The following RHOA variants were observed in gnomAD, a reference collection of about 807,000 sequenced individuals.
RHOA encodes the protein ras homolog family member A.
A neutral mutation model predicts 17.5 loss-of-function variants in RHOA; 3 were observed. The observed-to-expected ratio is 0.17, with a 90% CI of 0.08 to 0.44. The LOEUF is 0.44. Ranked by LOEUF, RHOA falls within the 20% of genes least tolerant of loss-of-function variation. RHOA has a pLI of 0.99. For synonymous variants in RHOA, 98 were observed against 88.4 expected, an observed-to-expected ratio of 1.11 and a Z score of -0.61; for missense variants, 56 against 242.3, an observed-to-expected ratio of 0.23 and a Z score of 5.10.
chr3:49,377,059 C>T (rs1320347139), intron 1 of RHOA, among the ~76,000 whole-genome samples: 9 of 152,072 alleles, frequency 5.9e-5, no homozygotes. Flanking sequence ...ACCCGGGAGG[C>T]AGAGGTTGTG....
rs1491556137 is a variant in RHOA at position 49,391,229 on chromosome 3, AAG to A, written c.-2-15640_-2-15639del. On this transcript the variant is annotated intron_variant, in intron 1 of 4. Transcript: ENST00000418115. ...CAACGCCGTCTCAAAAAAAAAAAAA[AAG>A]AAATACAAAAATTAGCCAGGTGTGG... Among the ~76,000 whole-genome samples, 203 of 137,998 alleles carry A rather than the reference AAG, an allele frequency of 1.5e-3. 9 individuals carry two copies. The highest frequency in any genetic ancestry group is 4.5e-3 in the South Asian group (16 of 3,528). The allele number at this position is 137,998 out of a possible 152,430, so 90.5% of individuals were successfully genotyped here.
At chr3:49,369,941 C>T (rs1016335807) in intron 2 of RHOA, among the ~76,000 whole-genome samples, 5 of 152,088 alleles carry the variant, frequency 3.3e-5, no homozygotes, top group African/African-American at 1.2e-4. Flanking sequence ...GTGAAGCATG[C>T]CTGTAATCCC....
chr3:49,381,289 C>T (rs1052958806), intron 1 of RHOA, among the ~76,000 whole-genome samples: 4 of 151,590 alleles, frequency 2.6e-5, no homozygotes, highest in African/African-American at 4.8e-5. Context: ...CCCATAATCC[C>T]GGCTACTCGA....
intron 1 of RHOA, among the ~76,000 whole-genome samples, chr3:49,408,239 C>T (rs910448612): frequency 6.6e-6 from 1 of 150,986 alleles, no homozygotes; most frequent in Non-Finnish European, 1.5e-5. Flanking sequence ...TACGTATACA[C>T]GTATATGTAC....
intron 1 of RHOA, among the ~76,000 whole-genome samples, chr3:49,382,713 C>G (rs976020712): frequency 6.6e-6 from 1 of 152,100 alleles, no homozygotes; most frequent in Non-Finnish European, 1.5e-5. Context: ...GTCAAACAAC[C>G]AGGACCCTAT....
chr3:49,382,398 G>A (rs991954950), intron 1 of RHOA, among the ~76,000 whole-genome samples: 19 of 152,102 alleles, frequency 1.2e-4, no homozygotes, highest in African/African-American at 4.3e-4. Context: ...ACTTTGGGAA[G>A]CCAAGGCAGG....
intron 1 of RHOA, 99 bp downstream of exon 1, chr3:49,411,721 G>T (rs1215536559): frequency 6.6e-6 from 1 of 152,026 alleles, no homozygotes; most frequent in Non-Finnish European, 1.5e-5. Flanking sequence ...AGCAGCCGGT[G>T]GGGCGCGGCC....
intron 2 of RHOA, among the ~76,000 whole-genome samples, chr3:49,368,757 G>C (rs1305453170): frequency 7.0e-6 from 1 of 143,136 alleles, no homozygotes; most frequent in Non-Finnish European, 1.5e-5. Context: ...GCCCAGGCTA[G>C]AGTGCAGTGG....
At chr3:49,410,111 A>G (rs947704001) in intron 1 of RHOA, among the ~76,000 whole-genome samples, 5 of 152,206 alleles carry the variant, frequency 3.3e-5, no homozygotes, top group Admixed American at 6.5e-5. Context: ...AGTTTCTCCC[A>G]AACTATTCAC....
chr3:49,383,419 C>CAAA (rs397819188), intron 1 of RHOA, among the ~76,000 whole-genome samples: 1 of 124,864 alleles, frequency 8.0e-6, no homozygotes, highest in Non-Finnish European at 1.7e-5. Context: ...GAATCCATCT[C>CAAA]AAAAAAAAAA....
intron 3 of RHOA, among the ~76,000 whole-genome samples, chr3:49,367,450 C>T (rs2048077905): frequency 6.6e-6 from 1 of 150,474 alleles, no homozygotes; most frequent in Admixed American, 6.7e-5. Context: ...TCAGCTAAGA[C>T]ACTTCAGAAA....
chr3:49,360,946 G>T (rs757017640), intron 4 of RHOA: 5 of 363,546 alleles, frequency 1.4e-5, no homozygotes, highest in Non-Finnish European at 2.7e-5. Context: ...GGTAGTGGGC[G>T]CCTGTAACCC....
chr3:49,403,784 T>C (rs527791743), intron 1 of RHOA, among the ~76,000 whole-genome samples: 1 of 152,164 alleles, frequency 6.6e-6, no homozygotes, highest in South Asian at 2.1e-4. Flanking sequence ...CATTTTATTG[T>C]ATGCAAATTA....
Position 49,360,473 on chromosome 3 carries a change from T to C in RHOA, c.409-91A>G, listed in dbSNP as rs556929468. 16 of 1,407,646 alleles carry C rather than the reference T, an allele frequency of 1.1e-5. No individual in the cohort carries two copies. The East Asian group carries it at 3.8e-4, about 33-fold the overall frequency. 87.2% of individuals were successfully genotyped at this position (1,407,646 alleles called of 1,614,324 possible). A position where few individuals can be genotyped will look rare whatever the true frequency, so the allele number is the denominator to read the frequency against. ...ATTCAAATTCATCTAAAAGATTTTT[T>C]TTTCTTTTTTTGAGACAGTTTTGCT... is the stretch of plus-strand genomic sequence containing the variant. On this transcript the variant is annotated intron_variant, in intron 4 of 4. Transcript: ENST00000418115.
intron 1 of RHOA, among the ~76,000 whole-genome samples, chr3:49,406,047 G>C (rs1016411258): frequency 6.6e-6 from 1 of 151,942 alleles, no homozygotes; most frequent in Non-Finnish European, 1.5e-5. Flanking sequence ...TGAATAACTG[G>C]AAAAGTTAAA....
intron 1 of RHOA, among the ~76,000 whole-genome samples, chr3:49,388,181 T>C (rs1666528458): frequency 1.3e-5 from 2 of 151,836 alleles, no homozygotes; most frequent in South Asian, 4.2e-4. Flanking sequence ...TAAATTTTTT[T>C]CTATTTGTGT....
intron 1 of RHOA, among the ~76,000 whole-genome samples, chr3:49,404,433 A>AACACACACACACACAC (rs374020319): frequency 0.21 from 18,652 of 90,600 alleles, 2,598 homozygotes; most frequent in Non-Finnish European, 0.26. Context: ...TCTCTAGTAA[A>AACACACACACACACAC]ACACACACAC....
chr3:49,367,836 T>C (rs866431371), intron 3 of RHOA, among the ~76,000 whole-genome samples: 1 of 151,962 alleles, frequency 6.6e-6, no homozygotes, highest in African/African-American at 2.4e-5. Context: ...TTACTCATCT[T>C]TGTATCTGGA....
chr3:49,360,477 CTTTTT>C (rs1241039419), intron 4 of RHOA, 95 bp from the exon 5 acceptor site: 3 of 1,364,782 alleles, frequency 2.2e-6, no homozygotes, highest in Non-Finnish European at 2.9e-6. Context: ...ATTTTTTTTT[CTTTTT>C]TTGAGACAGT....
Sources: allele counts gnomAD v4.1 joint callset (sites outside exome capture counted in the v4.1 genomes callset), GRCh38; gene constraint gnomAD v4.1.1; transcripts MANE v1.5; gene names NCBI Gene and HGNC (gene_info 2026-07-23, HGNC 2026-07-21).